Variants in LHFPL6 observed in about 807,000 individuals in gnomAD.
LHFPL6 encodes LHFPL tetraspan subfamily member 6 protein.
In LHFPL6, 9 loss-of-function variants were observed where a neutral mutation model predicts 20.6. The ratio of observed to expected loss-of-function variants is 0.44; its 90% CI spans 0.26 to 0.76. The LOEUF is 0.76. Among genes scored for constraint, LHFPL6 ranks in the 30% least tolerant of loss-of-function variants. The pLI is 0.20. For missense variants in LHFPL6, 218 were observed against 253.5 expected, an observed-to-expected ratio of 0.86 and a Z score of 0.95; for synonymous variants, 105 against 98.7, an observed-to-expected ratio of 1.06 and a Z score of -0.38.
At chr13:39,530,766 G>A (rs1870441850) in intron 2 of LHFPL6, among the ~76,000 whole-genome samples, 1 of 151,572 alleles carries the variant, frequency 6.6e-6, no homozygotes, top group Non-Finnish European at 1.5e-5. Context: ...TAAGGCAAAT[G>A]AATGATATTG....
intron 2 of LHFPL6, among the ~76,000 whole-genome samples, chr13:39,462,658 A>G (rs1433942196): frequency 1.3e-5 from 2 of 149,842 alleles, no homozygotes; most frequent in Non-Finnish European, 2.9e-5. Flanking sequence ...TGGGCAGTGG[A>G]CATTCCTGTC....
intron 2 of LHFPL6, among the ~76,000 whole-genome samples, chr13:39,458,994 T>A (rs4281595): frequency 6.6e-6 from 1 of 152,190 alleles, no homozygotes; most frequent in African/African-American, 2.4e-5. Context: ...CTCTCTTAAA[T>A]GTAAATACCT....
At chr13:39,427,402 CTATAGGTTT>C (rs1871672934) in intron 2 of LHFPL6, among the ~76,000 whole-genome samples, 1 of 152,170 alleles carries the variant, frequency 6.6e-6, no homozygotes, top group Non-Finnish European at 1.5e-5. Flanking sequence ...ATCATGTTAA[CTATAGGTTT>C]TTCATATGTG....
intron 2 of LHFPL6, among the ~76,000 whole-genome samples, chr13:39,441,007 G>GT: frequency 6.6e-6 from 1 of 152,124 alleles, no homozygotes; most frequent in East Asian, 1.9e-4. Context: ...ATGCGAAACT[G>GT]TAAGTCCAAT....
Position 39,375,507 on chromosome 13 carries a change from A to G in LHFPL6, c.484+2921T>C, listed in dbSNP as rs140143964. Among the ~76,000 whole-genome samples, 24 of 152,222 alleles carry G rather than the reference A, an allele frequency of 1.6e-4. No homozygotes were observed. The East Asian group carries it at 4.6e-3, about 29-fold the overall frequency. ...GGGGTTCGAGACTAGCCTGGCCAACACGGCGAAACCCCATCTCTACCAAAA... is the reference window on the plus strand; with the variant it reads ...GGGGTTCGAGACTAGCCTGGCCAACGCGGCGAAACCCCATCTCTACCAAAA... On this transcript the variant is annotated intron_variant, in intron 3 of 3. Transcript: ENST00000379589.
intron 2 of LHFPL6, among the ~76,000 whole-genome samples, chr13:39,525,514 G>T (rs1055704316): frequency 1.3e-5 from 2 of 152,020 alleles, no homozygotes; most frequent in East Asian, 3.9e-4. Flanking sequence ...TAAATGTAAC[G>T]TCACTCACTA....
chr13:39,521,482 T>C (rs1870104235), intron 2 of LHFPL6, among the ~76,000 whole-genome samples: 1 of 152,196 alleles, frequency 6.6e-6, no homozygotes, highest in Non-Finnish European at 1.5e-5. Flanking sequence ...TCTAACATAT[T>C]TGGAGAACTT....
intron 2 of LHFPL6, among the ~76,000 whole-genome samples, chr13:39,391,590 A>G (rs1566100855): frequency 6.6e-6 from 1 of 152,198 alleles, no homozygotes; most frequent in Admixed American, 6.5e-5. Flanking sequence ...AGCCATTTAT[A>G]ACAGATTTCT....
In LHFPL6 at chr13:39,448,763, G is replaced by A. The variant is rs561100337; in HGVS notation, c.386-70237C>T. On this transcript the variant is annotated intron_variant, in intron 2 of 3. Coordinates refer to ENST00000379589, the MANE Select transcript of LHFPL6 (RefSeq NM_005780.3). ...GATGTTAATCCAACCAGATCATTTG[G>A]AAATATTTAAAATGCCTGTAACAGG... Among the ~76,000 whole-genome samples, 160 of 152,294 alleles carry A rather than the reference G, an allele frequency of 1.1e-3. 1 individual carries two copies. The highest frequency in any genetic ancestry group is 3.6e-3 in the African/African-American group (151 of 41,566).
At chr13:39,462,809 G>A (rs889417643) in intron 2 of LHFPL6, among the ~76,000 whole-genome samples, 27 of 152,126 alleles carry the variant, frequency 1.8e-4, no homozygotes, top group African/African-American at 6.0e-4. Flanking sequence ...AAAGCCTCAC[G>A]CATTTAAGTT....
chr13:39,395,372 T>C (rs1469668617), intron 2 of LHFPL6, among the ~76,000 whole-genome samples: 1 of 152,226 alleles, frequency 6.6e-6, no homozygotes, highest in African/African-American at 2.4e-5. Context: ...CTGAGACCAT[T>C]TAAAGCCGCT....
At chr13:39,524,386 G>T (rs1434491458) in intron 2 of LHFPL6, among the ~76,000 whole-genome samples, 2 of 150,952 alleles carry the variant, frequency 1.3e-5, no homozygotes, top group African/African-American at 4.9e-5. Flanking sequence ...GTCTCTAAGT[G>T]GGTCCATAAA....
At chr13:39,348,332 C>T (rs932360274) in intron 3 of LHFPL6, among the ~76,000 whole-genome samples, 25 of 152,342 alleles carry the variant, frequency 1.6e-4, no homozygotes, top group Middle Eastern at 3.4e-3. Context: ...ACTGGCATTA[C>T]TCTGTCCCAG....
intron 2 of LHFPL6, among the ~76,000 whole-genome samples, chr13:39,502,854 T>C (rs1869339958): frequency 6.6e-6 from 1 of 152,204 alleles, no homozygotes; most frequent in South Asian, 2.1e-4. Flanking sequence ...GAGTAATAAA[T>C]ACATTTTCTT....
chr13:39,581,196 C>T (rs569286778), intron 2 of LHFPL6, among the ~76,000 whole-genome samples: 1 of 152,218 alleles, frequency 6.6e-6, no homozygotes, highest in South Asian at 2.1e-4. Context: ...CAATATTTTC[C>T]ACCATCTTAG....
At chr13:39,520,710 C>T (rs972733863) in intron 2 of LHFPL6, among the ~76,000 whole-genome samples, 8 of 152,132 alleles carry the variant, frequency 5.3e-5, no homozygotes, top group Admixed American at 2.6e-4. Context: ...GCGATGGCAT[C>T]GCTGAGCTGA....
intron 2 of LHFPL6, among the ~76,000 whole-genome samples, chr13:39,427,057 TAAA>T (rs527894114): frequency 0.028 from 3,872 of 139,466 alleles, 150 homozygotes; most frequent in African/African-American, 0.092. Context: ...TGCATCTTTG[TAAA>T]AAAAAAAAAA....
intron 2 of LHFPL6, among the ~76,000 whole-genome samples, chr13:39,473,679 G>A (rs981377395): frequency 1.3e-5 from 2 of 152,132 alleles, no homozygotes; most frequent in Non-Finnish European, 2.9e-5. Flanking sequence ...TCCTACCTGA[G>A]TCACTTTATG....
intron 3 of LHFPL6, among the ~76,000 whole-genome samples, chr13:39,372,537 A>C (rs1870190402): frequency 6.6e-6 from 1 of 152,244 alleles, no homozygotes; most frequent in Non-Finnish European, 1.5e-5. Context: ...TTCATAAATT[A>C]GCGTGATCCA....
Sources: gnomAD v4.1 joint callset for allele counts (sites outside exome capture counted in the v4.1 genomes callset) on GRCh38, gnomAD v4.1.1 for gene constraint, MANE v1.5 for transcripts, NCBI Gene and HGNC (gene_info 2026-07-23, HGNC 2026-07-21) for gene names.